HECW1: variants seen among roughly 807,000 people sequenced by gnomAD.
The protein encoded by HECW1 is HECT, C2 and WW domain containing E3 ubiquitin protein ligase 1, also known as E3 ubiquitin-protein ligase HECW1.
HECW1 carries 61 observed loss-of-function variants against 182.3 expected under a neutral mutation model. The ratio of observed to expected loss-of-function variants is 0.33; its 90% CI spans 0.27 to 0.41. The LOEUF is 0.41. HECW1 is among the 10% of genes least tolerant of loss of function. The pLI is 1.00. For missense variants in HECW1, 1,739 were observed against 2,108.9 expected, an observed-to-expected ratio of 0.82 and a Z score of 3.44; for synonymous variants, 859 against 832.6, an observed-to-expected ratio of 1.03 and a Z score of -0.55.
At chr7:43,337,655 C>T (rs968995264) in intron 5 of HECW1, among the ~76,000 whole-genome samples, 1 of 152,222 alleles carries the variant, frequency 6.6e-6, no homozygotes, top group African/African-American at 2.4e-5. Flanking sequence ...CCTGCTTCAT[C>T]ACAGCATCTC....
intron 29 of HECW1, among the ~76,000 whole-genome samples, chr7:43,558,816 G>A (rs2082116198): frequency 6.6e-6 from 1 of 152,146 alleles, no homozygotes. Flanking sequence ...CAGAGGAAGA[G>A]CTGTCAAATG....
intron 5 of HECW1, among the ~76,000 whole-genome samples, chr7:43,321,892 T>C (rs941648816): frequency 7.9e-5 from 12 of 152,190 alleles, no homozygotes; most frequent in African/African-American, 2.9e-4. Flanking sequence ...AAGAAACTTA[T>C]GGTATCCCCG....
rs1434259547 is a variant in HECW1, at chr7:43,308,185, TATA to T, written c.28-3574_28-3572del. Among the ~76,000 whole-genome samples, 26 of 102,538 alleles carry T rather than the reference TATA, an allele frequency of 2.5e-4. 1 individual carries two copies. Among genetic ancestry groups the T allele is most frequent in the African/African-American group, 9.4e-4 (23 of 24,528 alleles). The allele number at this position is 102,538 out of a possible 152,430, so 67.3% of individuals were successfully genotyped here. ...TTATATATAATATATTTTTATATAT[TATA>T]ATATATTTATATATATTTTTATATA... is the stretch of plus-strand genomic sequence containing the variant. On this transcript the variant is annotated intron_variant, in intron 3 of 29. Coordinates refer to ENST00000395891, the MANE Select transcript of HECW1 (RefSeq NM_015052.5).
At chr7:43,247,817 A>G (rs1799550836) in intron 3 of HECW1, among the ~76,000 whole-genome samples, 1 of 137,362 alleles carries the variant, frequency 7.3e-6, no homozygotes, top group African/African-American at 3.1e-5. Flanking sequence ...AAAGAAAAGA[A>G]AGAGAGAGAA....
chr7:43,385,564 G>A (rs968486386), intron 6 of HECW1, among the ~76,000 whole-genome samples: 6 of 151,754 alleles, frequency 4.0e-5, no homozygotes, highest in Non-Finnish European at 5.9e-5. Flanking sequence ...CCGTCCCTCA[G>A]AGAGCTGGGG....
At chr7:43,359,653 G>A (rs1815621659) in intron 5 of HECW1, among the ~76,000 whole-genome samples, 1 of 152,098 alleles carries the variant, frequency 6.6e-6, no homozygotes. Context: ...TCAGAAGATT[G>A]TTATTTCATT....
chr7:43,444,137 G>T lies in HECW1; in HGVS notation c.1046-81G>T. The stretch of plus-strand genomic sequence containing the variant: ...CCTAATGTAGAAATCCCTTAGTGAT[G>T]GCTTACATGTCCCACAGGGTATCCT... On this transcript the variant is annotated intron_variant, in intron 10 of 29. Transcript: ENST00000395891. This position sits in a 1 kb window ranked among gnomAD's most constrained non-coding sequence, Gnocchi z 4.3. 7.3e-7 allele frequency: 1 copy of T among 1,371,596 alleles called. No individual in the cohort carries two copies. Among genetic ancestry groups the T allele is most frequent in the South Asian group, 1.4e-5 (1 of 71,540 alleles). The allele number at this position is 1,371,596 out of a possible 1,614,324, so 85.0% of individuals were successfully genotyped here.
At chr7:43,259,351 C>T (rs968111349) in intron 3 of HECW1, among the ~76,000 whole-genome samples, 3 of 151,086 alleles carry the variant, frequency 2.0e-5, no homozygotes, top group Admixed American at 1.3e-4. Context: ...CGCAGTGCTG[C>T]GCTCCAGCCT....
At chr7:43,257,411 C>T (rs545624189) in intron 3 of HECW1, among the ~76,000 whole-genome samples, 21 of 152,076 alleles carry the variant, frequency 1.4e-4, no homozygotes, top group African/African-American at 2.7e-4. Flanking sequence ...GAATCACTAA[C>T]GTAGGCAGTA....
chr7:43,248,885 A>G (rs11771692), intron 3 of HECW1: 91,100 of 152,168 alleles, frequency 0.6, 30,018 homozygotes, highest in African/African-American at 0.9. Context: ...GTGAGGCCAC[A>G]ACCTCTAGAC....
In HECW1 at chr7:43,247,719, GAAGGAAGGAAGA is replaced by G. The variant is rs368028468; in HGVS notation, c.27+3799_27+3810del. Among the ~76,000 whole-genome samples, 892 of 126,780 alleles carry G rather than the reference GAAGGAAGGAAGA, an allele frequency of 7.0e-3. 12 individuals carry two copies. Among genetic ancestry groups the G allele is most frequent in the African/African-American group, 0.028 (848 of 30,544 alleles). The allele number at this position is 126,780 out of a possible 152,430, so 83.2% of individuals were successfully genotyped here. On this transcript the variant is annotated intron_variant, in intron 3 of 29. Transcript: ENST00000395891. ...AGGAAGGGGAGAGGGAGGGAGGGAA[GAAGGAAGGAAGA>G]AAGGAAGGAAGGAGGGAGGGAGGAA...
chr7:43,528,648 A>G (rs1265305054), intron 24 of HECW1, among the ~76,000 whole-genome samples: 1 of 152,196 alleles, frequency 6.6e-6, no homozygotes, highest in East Asian at 1.9e-4. Context: ...AAAGAGAGGC[A>G]CACCGCACAC....
At chr7:43,400,437 C>T (rs2075367397) in intron 7 of HECW1, among the ~76,000 whole-genome samples, 1 of 152,126 alleles carries the variant, frequency 6.6e-6, no homozygotes, top group African/African-American at 2.4e-5. Flanking sequence ...ACATGACATG[C>T]TCGTAGGTAA....
At chr7:43,198,231 C>T (rs937734977) in intron 2 of HECW1, among the ~76,000 whole-genome samples, 1 of 149,190 alleles carries the variant, frequency 6.7e-6, no homozygotes, top group Admixed American at 6.7e-5. Flanking sequence ...CCACCATAGT[C>T]GCACATCCCA....
intron 2 of HECW1, among the ~76,000 whole-genome samples, chr7:43,221,274 C>T (rs746134695): frequency 5.9e-5 from 9 of 152,108 alleles, no homozygotes; most frequent in Non-Finnish European, 1.2e-4. Context: ...GTACCTGGCA[C>T]CACATCTAGA....
chr7:43,435,439 T>C (rs1047947282), intron 8 of HECW1, among the ~76,000 whole-genome samples: 7 of 152,188 alleles, frequency 4.6e-5, no homozygotes, highest in African/African-American at 1.7e-4. Context: ...TTAGGAGTTA[T>C]ATAGGAGTTA....
At chr7:43,348,192 C>G (rs1193760826) in intron 5 of HECW1, among the ~76,000 whole-genome samples, 1 of 152,036 alleles carries the variant, frequency 6.6e-6, no homozygotes, top group African/African-American at 2.4e-5. Flanking sequence ...AATCTCACTG[C>G]TTGTTATTGG....
chr7:43,446,803 G>A lies in HECW1; in HGVS notation c.2398+1233G>A, dbSNP rs190291644. Among the ~76,000 whole-genome samples, 605 of 152,338 alleles carry A rather than the reference G, an allele frequency of 4.0e-3. 2 individuals carry two copies. The highest frequency in any genetic ancestry group is 7.3e-3 in the Non-Finnish European group (498 of 68,028). Reference sequence around the variant, plus strand: ...GCAGAAAGGTAAAACAGACAGCATGGAAAGGTACCCACAAGGAGCGGGATG... The same window carrying A: ...GCAGAAAGGTAAAACAGACAGCATGAAAAGGTACCCACAAGGAGCGGGATG... On this transcript the variant is annotated intron_variant, in intron 11 of 29. Transcript: ENST00000395891.
intron 2 of HECW1, among the ~76,000 whole-genome samples, chr7:43,232,868 A>G (rs1339466192): frequency 6.6e-6 from 1 of 152,204 alleles, no homozygotes; most frequent in East Asian, 1.9e-4. Flanking sequence ...CCTTTAACCC[A>G]TGTGCCTTTG....
Sources: allele counts gnomAD v4.1 joint callset (sites outside exome capture counted in the v4.1 genomes callset), GRCh38; gene constraint gnomAD v4.1.1; non-coding constraint Gnocchi (gnomAD v3.1); transcripts MANE v1.5; gene names NCBI Gene and HGNC (gene_info 2026-07-23, HGNC 2026-07-21).